CHD1: variants seen among roughly 807,000 people sequenced by gnomAD.
CHD1 encodes the protein ATP-dependent chromatin remodeler CHD1.
CHD1 carries 36 observed loss-of-function variants against 224.2 expected under a neutral mutation model. The ratio of observed to expected loss-of-function variants is 0.16; its 90% CI spans 0.12 to 0.21. The LOEUF is 0.21. Ranked by LOEUF, CHD1 falls within the 10% of genes least tolerant of loss-of-function variation. The probability of loss-of-function intolerance (pLI) is 1.00; values close to 1 mark genes in which losing one functional copy is unlikely to be tolerated. For synonymous variants in CHD1, 668 were observed against 658.3 expected, an observed-to-expected ratio of 1.01 and a Z score of -0.23; for missense variants, 1,378 against 1,994.8, an observed-to-expected ratio of 0.69 and a Z score of 5.89.
chr5:98,892,218 A>G (rs757557669), intron 15 of CHD1, among the ~76,000 whole-genome samples: 1 of 152,302 alleles, frequency 6.6e-6, no homozygotes, highest in Middle Eastern at 3.4e-3. Flanking sequence ...TCATAATCAT[A>G]TAATACCTTT....
chr5:98,864,839 TC>T (rs1748740710), intron 31 of CHD1, among the ~76,000 whole-genome samples: 2 of 152,236 alleles, frequency 1.3e-5, no homozygotes, highest in South Asian at 4.1e-4. Context: ...CTTTTATGTT[TC>T]CTATTTTTTG....
intron 31 of CHD1, among the ~76,000 whole-genome samples, chr5:98,864,933 G>C (rs989809316): frequency 6.6e-6 from 1 of 152,094 alleles, no homozygotes; most frequent in African/African-American, 2.4e-5. Context: ...TCTAGGCATT[G>C]TTCCAGATGC....
At chr5:98,911,468 T>C (rs773433433) in intron 2 of CHD1, among the ~76,000 whole-genome samples, 6 of 152,084 alleles carry the variant, frequency 3.9e-5, no homozygotes, top group Admixed American at 2.0e-4. Context: ...CAATGGATAC[T>C]ACATCTAGGG....
chr5:98,880,520 A>T (rs1263278244), intron 22 of CHD1, among the ~76,000 whole-genome samples: 14 of 152,246 alleles, frequency 9.2e-5, no homozygotes. Flanking sequence ...GAAAACAGCT[A>T]AGATGTAGAG....
chr5:98,914,729 A>C (rs1359032698), intron 2 of CHD1, among the ~76,000 whole-genome samples: 1 of 152,198 alleles, frequency 6.6e-6, no homozygotes, highest in African/African-American at 2.4e-5. Flanking sequence ...TCACTCTTCA[A>C]GACTATTAAA....
intron 2 of CHD1, among the ~76,000 whole-genome samples, chr5:98,925,420 A>T (rs1174612720): frequency 1.3e-5 from 2 of 152,154 alleles, no homozygotes; most frequent in African/African-American, 4.8e-5. Flanking sequence ...AAGATAAACA[A>T]TAGTTTAATC....
At chr5:98,902,682 G>T (rs1751797620) in intron 5 of CHD1, among the ~76,000 whole-genome samples, 1 of 151,990 alleles carries the variant, frequency 6.6e-6, no homozygotes, top group South Asian at 2.1e-4. Context: ...GGAGTTACAG[G>T]AGATAAAGAA....
chr5:98,928,077 C>G (rs1014415412), intron 1 of CHD1, among the ~76,000 whole-genome samples: 2 of 152,142 alleles, frequency 1.3e-5, no homozygotes, highest in Admixed American at 6.5e-5. Flanking sequence ...GGACCTGCCC[C>G]CCTCTCCCAG....
chr5:98,869,016 T>G, intron 30 of CHD1: 1 of 849,458 alleles, frequency 1.2e-6, no homozygotes, highest in Non-Finnish European at 1.4e-6. Flanking sequence ...TTGCATACCT[T>G]TTCTTCCTTT....
intron 25 of CHD1, among the ~76,000 whole-genome samples, chr5:98,874,094 ATG>A (rs1230646679): frequency 4.5e-4 from 68 of 152,004 alleles, no homozygotes; most frequent in African/African-American, 1.6e-3. Flanking sequence ...CCAAATAGAT[ATG>A]AATGATTAAT....
intron 12 of CHD1, 77 bp downstream of exon 12, chr5:98,896,149 C>T (rs1344499732): frequency 3.3e-6 from 4 of 1,229,672 alleles, no homozygotes; most frequent in African/African-American, 1.5e-5. Flanking sequence ...AGTGAAACCC[C>T]ATCTCAAAAC....
intron 2 of CHD1, among the ~76,000 whole-genome samples, chr5:98,919,753 G>A (rs1486645973): frequency 2.0e-5 from 3 of 152,278 alleles, no homozygotes; most frequent in East Asian, 1.9e-4. Flanking sequence ...GTATACAGAC[G>A]TAAGGATACA....
intron 31 of CHD1, among the ~76,000 whole-genome samples, chr5:98,865,604 G>T (rs572465015): frequency 2.6e-5 from 4 of 152,312 alleles, no homozygotes; most frequent in South Asian, 2.1e-4. Flanking sequence ...TTTCTTGACT[G>T]CTAAATTATA....
intron 22 of CHD1, 53 bp from the exon 23 acceptor site, chr5:98,879,781 A>G (rs1000459011): frequency 2.3e-6 from 3 of 1,325,260 alleles, no homozygotes; most frequent in Non-Finnish European, 2.1e-6. Context: ...TTGATCCCTA[A>G]AAGTTTTTTT....
chr5:98,900,772 T>C (rs1751651538), intron 7 of CHD1, 39 bp downstream of exon 7: 2 of 1,568,112 alleles, frequency 1.3e-6, no homozygotes, highest in African/African-American at 2.7e-5. Context: ...GTAAATATTA[T>C]TTAAATAACC....
intron 15 of CHD1, 77 bp downstream of exon 15, chr5:98,892,448 G>C: frequency 9.8e-7 from 1 of 1,015,748 alleles, no homozygotes; most frequent in Admixed American, 2.2e-5. Flanking sequence ...GAGAAGGTGG[G>C]GGCACCAAAA....
intron 35 of CHD1, 97 bp downstream of exon 35, chr5:98,858,083 A>G (rs979067641): frequency 1.2e-6 from 1 of 866,958 alleles, no homozygotes; most frequent in African/African-American, 1.7e-5. Flanking sequence ...TTTTGACTGC[A>G]TGAAGATTGA....
In CHD1 at chr5:98,873,723, T is replaced by C. The variant is rs1355220765; in HGVS notation, c.3441A>G (p.Arg1147=). ...SYKKFGGPLE[R]LDAIARDAEL... is the part of the protein sequence containing the mutation. ...CAGCATCTCGAGCAATTGCATCTAA[T>C]CTGTAACAAAATAATCCAATTTTCA... is the stretch of plus-strand genomic sequence containing the variant. Residue 1147 remains arginine (R), a splice_region_variant and synonymous_variant, in exon 26 of 36, where the codon AGA becomes AGG. Coordinates refer to ENST00000614616, the MANE Select transcript of CHD1 (RefSeq NM_001270.4). 1.9e-6 allele frequency: 3 copies of C among 1,599,856 alleles called. No homozygotes were observed. Among genetic ancestry groups the C allele is most frequent in the Non-Finnish European group, 8.5e-7 (1 of 1,175,924 alleles).
chr5:98,858,911 AT>A (rs1748250209), intron 34 of CHD1, 52 bp downstream of exon 34: 40 of 1,308,250 alleles, frequency 3.1e-5, no homozygotes, highest in Non-Finnish European at 4.1e-5. Flanking sequence ...TAAAACAAAA[AT>A]TTAAAAAAAA....
Sources: allele counts gnomAD v4.1 joint callset (sites outside exome capture counted in the v4.1 genomes callset), GRCh38; gene constraint gnomAD v4.1.1; transcripts MANE v1.5; gene names NCBI Gene and HGNC (gene_info 2026-07-23, HGNC 2026-07-21).